Variants in TBC1D22A observed in about 807,000 individuals in gnomAD.
The protein encoded by TBC1D22A is putative GTPase activator.
A neutral mutation model predicts 60.2 loss-of-function variants in TBC1D22A; 38 were observed. The ratio of observed to expected loss-of-function variants is 0.63; its 90% confidence interval spans 0.49 to 0.83. The LOEUF is 0.83. Ranked by LOEUF, TBC1D22A falls within the 40% of genes least tolerant of loss-of-function variation. TBC1D22A has a pLI of 0.00. For missense variants in TBC1D22A, 628 were observed against 701.0 expected (o/e 0.90, Z 1.18); for synonymous variants, 302 against 281.7 (o/e 1.07, Z -0.72).
intron 12 of TBC1D22A, among the ~76,000 whole-genome samples, chr22:47,151,863 C>T (rs1372462998): frequency 2.0e-5 from 3 of 152,170 alleles, no homozygotes; most frequent in Non-Finnish European, 2.9e-5. Flanking sequence ...GCGGTGTGGA[C>T]GTGGCAGTGC....
rs146083187 is a variant in TBC1D22A, at chr22:46,832,642, G to A, written c.637+35022G>A. On this transcript the variant is annotated intron_variant, in intron 4 of 12. Coordinates refer to ENST00000337137, the MANE Select transcript of TBC1D22A (RefSeq NM_014346.5). ...GCCTGGGCAACAAGAGCGAAACTCT[G>A]TCTCAAAAAAGAAAAATAAATAAAA... Among the ~76,000 whole-genome samples the A allele has an allele frequency of 1.6e-3, 238 of 152,210 alleles. 2 individuals are homozygous for A. Among genetic ancestry groups the A allele is most frequent in the Middle Eastern group, 6.8e-3 (2 of 294 alleles).
At chr22:46,810,952 G>T (rs1193579161) in intron 4 of TBC1D22A, among the ~76,000 whole-genome samples, 2 of 152,206 alleles carry the variant, frequency 1.3e-5, no homozygotes, top group African/African-American at 4.8e-5. Context: ...ACCCTTACAT[G>T]CAGGATGATT....
At chr22:46,877,498 G>A (rs2067622970) in intron 4 of TBC1D22A, among the ~76,000 whole-genome samples, 1 of 152,282 alleles carries the variant, frequency 6.6e-6, no homozygotes, top group South Asian at 2.1e-4. Context: ...CAGATATGAG[G>A]TTCCTGCTTT....
chr22:46,776,766 G>A (rs757429352), intron 1 of TBC1D22A, among the ~76,000 whole-genome samples: 3 of 152,066 alleles, frequency 2.0e-5, no homozygotes, highest in Non-Finnish European at 4.4e-5. Flanking sequence ...AACGGACCCT[G>A]TGCCACACTT....
At chr22:47,141,412 T>C (rs1351276115) in intron 12 of TBC1D22A, among the ~76,000 whole-genome samples, 1 of 152,198 alleles carries the variant, frequency 6.6e-6, no homozygotes, top group African/African-American at 2.4e-5. Flanking sequence ...GTTGCCACCT[T>C]GCTTTTTGCC....
intron 7 of TBC1D22A, among the ~76,000 whole-genome samples, chr22:46,904,836 G>A (rs1238912422): frequency 4.1e-5 from 6 of 147,540 alleles, no homozygotes; most frequent in South Asian, 4.3e-4. Context: ...GTGCGGTGGC[G>A]CAATCTCAGC....
chr22:46,794,804 G>A (rs968957302), intron 3 of TBC1D22A, among the ~76,000 whole-genome samples: 5 of 152,172 alleles, frequency 3.3e-5, no homozygotes, highest in African/African-American at 7.2e-5. Flanking sequence ...CAGTGGTGCT[G>A]TTGGGAGGCA....
chr22:47,037,459 C>T (rs763723274), intron 11 of TBC1D22A, among the ~76,000 whole-genome samples: 1 of 152,084 alleles, frequency 6.6e-6, no homozygotes, highest in Non-Finnish European at 1.5e-5. Context: ...GGCAAAACCC[C>T]GTCTCTACTA....
intron 10 of TBC1D22A, among the ~76,000 whole-genome samples, chr22:47,003,957 GCATGCCTGTATACACACCCTACGCACA>G (rs1569325166): frequency 2.1e-4 from 16 of 74,706 alleles, no homozygotes; most frequent in South Asian, 5.0e-4. Flanking sequence ...CCCTACGCAC[GCATGCCTGTATACACACCCTACGCACA>G]CATGCCTGTA....
At chr22:47,146,199 C>A (rs1270296503) in intron 12 of TBC1D22A, among the ~76,000 whole-genome samples, 1 of 152,196 alleles carries the variant, frequency 6.6e-6, no homozygotes, top group Non-Finnish European at 1.5e-5. Flanking sequence ...GGATTGCTGG[C>A]CTGTTCCCTG....
intron 11 of TBC1D22A, among the ~76,000 whole-genome samples, chr22:47,048,353 C>T (rs1358646300): frequency 3.3e-5 from 5 of 151,948 alleles, no homozygotes; most frequent in Admixed American, 6.5e-5. Flanking sequence ...AGCCTGAGGT[C>T]GGGAGGTGGA....
chr22:46,955,089 T>C (rs1409975400), intron 8 of TBC1D22A, among the ~76,000 whole-genome samples: 1 of 152,194 alleles, frequency 6.6e-6, no homozygotes, highest in Admixed American at 6.5e-5. Context: ...CTAGTAACAG[T>C]GTTAAGGACA....
chr22:47,078,690 T>C (rs1220061164), intron 11 of TBC1D22A, among the ~76,000 whole-genome samples: 1 of 152,252 alleles, frequency 6.6e-6, no homozygotes, highest in Non-Finnish European at 1.5e-5. Context: ...GCACCCTTTT[T>C]TGCTGATCAT....
chr22:47,081,505 G>T (rs1193359499), intron 11 of TBC1D22A, among the ~76,000 whole-genome samples: 6 of 152,120 alleles, frequency 3.9e-5, no homozygotes, highest in Non-Finnish European at 4.4e-5. Flanking sequence ...CTCCAGTCAC[G>T]AAAGTGAAAT....
chr22:46,888,769 A>G (rs1252451156), intron 5 of TBC1D22A, among the ~76,000 whole-genome samples: 1 of 152,204 alleles, frequency 6.6e-6, no homozygotes, highest in East Asian at 1.9e-4. Context: ...GTGCAGTGGC[A>G]TGATCTTGGC....
intron 8 of TBC1D22A, chr22:46,914,434 CAAAAA>C (rs11322741): frequency 3.5e-5 from 4 of 113,518 alleles, no homozygotes; most frequent in Admixed American, 9.0e-5. Context: ...GACTCCATCT[CAAAAA>C]AAAAAAAAAA....
At chr22:47,149,741 G>A (rs1293647790) in intron 12 of TBC1D22A, among the ~76,000 whole-genome samples, 1 of 152,234 alleles carries the variant, frequency 6.6e-6, no homozygotes, top group Admixed American at 6.5e-5. Context: ...GATGGCTGAG[G>A]CTCTTGGGTT....
intron 11 of TBC1D22A, among the ~76,000 whole-genome samples, chr22:47,073,320 T>G (rs2064079428): frequency 6.6e-6 from 1 of 152,234 alleles, no homozygotes; most frequent in South Asian, 2.1e-4. Flanking sequence ...GTCTATTTTG[T>G]GCCGCTGGCG....
At chr22:46,938,224 C>A (rs1242149578) in intron 8 of TBC1D22A, among the ~76,000 whole-genome samples, 1 of 152,176 alleles carries the variant, frequency 6.6e-6, no homozygotes, top group African/African-American at 2.4e-5. Flanking sequence ...GTCTTCACTA[C>A]TTTATCTGTA....
Sources: gnomAD v4.1 joint callset for allele counts (sites outside exome capture counted in the v4.1 genomes callset) on GRCh38, gnomAD v4.1.1 for gene constraint, MANE v1.5 for transcripts, NCBI Gene and HGNC (gene_info 2026-07-23, HGNC 2026-07-21) for gene names.